KLHL29: variants seen among roughly 807,000 people sequenced by gnomAD.
The protein encoded by KLHL29 is kelch-like protein 29.
KLHL29 carries 21 observed loss-of-function variants against 80.4 expected under a neutral mutation model. The ratio of observed to expected loss-of-function variants is 0.26; its 90% confidence interval spans 0.19 to 0.38. KLHL29 has a LOEUF of 0.38. Ranked by LOEUF, KLHL29 falls within the 10% of genes least tolerant of loss-of-function variation. The pLI is 1.00. For synonymous variants in KLHL29, 511 were observed against 526.8 expected, an observed-to-expected ratio of 0.97 and a Z score of 0.41; for missense variants, 867 against 1,223.9, an observed-to-expected ratio of 0.71 and a Z score of 4.35.
intron 5 of KLHL29, among the ~76,000 whole-genome samples, chr2:23,654,173 T>A (rs1488616822): frequency 6.7e-6 from 1 of 149,282 alleles, no homozygotes; most frequent in Non-Finnish European, 1.5e-5. Context: ...TCTCAAAAAA[T>A]AAATTTAAAA....
At chr2:23,454,833 C>T (rs938512616) in intron 1 of KLHL29, among the ~76,000 whole-genome samples, 11 of 151,904 alleles carry the variant, frequency 7.2e-5, no homozygotes, top group Non-Finnish European at 1.3e-4. Context: ...TCCTCGGTGC[C>T]TCCTGCCCAC....
rs1358081734 is a variant in KLHL29 at position 23,457,291 on chromosome 2, T to C, written c.-153-18269T>C. Among the ~76,000 whole-genome samples the C allele has an allele frequency of 6.6e-6, 1 of 152,232 alleles. No homozygotes were observed. The highest frequency in any genetic ancestry group is 6.5e-5 in the Admixed American group (1 of 15,284). ...TCTGAGCCCAGAGGGGCCAGGTCTT[T>C]GGAGTCTGGAATGACTAAGGCAGGC... On this transcript the variant is annotated intron_variant, in intron 1 of 13. Transcript: ENST00000486442. This position sits in a 1 kb window ranked among gnomAD's most constrained non-coding sequence, Gnocchi z 4.3.
rs941990804 is a variant in KLHL29 at position 23,696,039 on chromosome 2, G to A, written c.1830G>A (p.Pro610=). The A allele has an allele frequency of 2.6e-5, 40 of 1,551,752 alleles. No individual in the cohort carries two copies. Among genetic ancestry groups the A allele is most frequent in the East Asian group, 1.2e-4 (5 of 40,922 alleles). ...RSLVAVTCWN[P]QNNKWYPLAS... ...TGGTGGCCGTCACCTGCTGGAACCC[G>A]CAGAACAACAAGTGGTACCCCTTGG... Residue 610 remains proline (P), a synonymous_variant, in exon 10 of 14, where the codon CCG becomes CCA. Transcript: ENST00000486442. This position sits in a 1 kb window ranked among gnomAD's most constrained non-coding sequence, Gnocchi z 5.5.
At chr2:23,528,163 G>GAA (rs1298363787) in intron 2 of KLHL29, among the ~76,000 whole-genome samples, 3 of 152,132 alleles carry the variant, frequency 2.0e-5, no homozygotes, top group Non-Finnish European at 4.4e-5. Flanking sequence ...AATTTAAAAG[G>GAA]AAACATTTGT....
chr2:23,387,516 ATT>A (rs1245404220), intron 1 of KLHL29, among the ~76,000 whole-genome samples: 3 of 51,622 alleles, frequency 5.8e-5, no homozygotes, highest in Admixed American at 2.6e-4. Flanking sequence ...TATTATTATT[ATT>A]ATTATTATTA....
At chr2:23,640,812 C>T (rs369921233) in intron 4 of KLHL29, among the ~76,000 whole-genome samples, 4 of 152,184 alleles carry the variant, frequency 2.6e-5, no homozygotes, top group African/African-American at 7.2e-5. Flanking sequence ...TGGGAAGGGG[C>T]GATGCAGGCC....
chr2:23,689,399 CCT>C (rs990616193), intron 6 of KLHL29: 1 of 152,388 alleles, frequency 6.6e-6, no homozygotes, highest in Non-Finnish European at 1.5e-5. Flanking sequence ...AGGCAGCACC[CCT>C]CAGGGCAGCC....
intron 3 of KLHL29, among the ~76,000 whole-genome samples, chr2:23,569,716 C>T (rs1475985671): frequency 6.6e-6 from 1 of 152,070 alleles, no homozygotes; most frequent in African/African-American, 2.4e-5. Flanking sequence ...GTCTGTAATG[C>T]TAAAAATAAC....
At chr2:23,414,902 A>C (rs183005733) in intron 1 of KLHL29, among the ~76,000 whole-genome samples, 1 of 152,254 alleles carries the variant, frequency 6.6e-6, no homozygotes, top group African/African-American at 2.4e-5. Context: ...ACAGAAACCA[A>C]TCCTGGGTAA....
chr2:23,509,523 G>T lies in KLHL29; in HGVS notation c.-46+33856G>T, dbSNP rs9679511. ...TCTTTAAGGTCATTACAGTCAATAAGGGGGAGAAGAAATATCTCTTTAGGA... is the reference window on the plus strand; with the variant it reads ...TCTTTAAGGTCATTACAGTCAATAATGGGGAGAAGAAATATCTCTTTAGGA... On this transcript the variant is annotated intron_variant, in intron 2 of 13. Transcript: ENST00000486442. Among the ~76,000 whole-genome samples the T allele has an allele frequency of 9.9e-3, 1,509 of 152,152 alleles. 24 individuals are homozygous for T. Among genetic ancestry groups the T allele is most frequent in the African/African-American group, 0.035 (1,438 of 41,462 alleles).
At chr2:23,415,769 G>A (rs4665592) in intron 1 of KLHL29, among the ~76,000 whole-genome samples, 14,906 of 151,936 alleles carry the variant, frequency 0.098, 1,424 homozygotes, top group East Asian at 0.29. Context: ...CACGATCACA[G>A]CTCACTGCAG....
At chr2:23,671,604 G>A (rs140342891) in intron 5 of KLHL29, among the ~76,000 whole-genome samples, 1 of 152,332 alleles carries the variant, frequency 6.6e-6, no homozygotes, top group East Asian at 1.9e-4. Context: ...TGGGTCTGCA[G>A]CTTTGGAAGC....
At chr2:23,411,955 C>G (rs1226664372) in intron 1 of KLHL29, among the ~76,000 whole-genome samples, 1 of 152,162 alleles carries the variant, frequency 6.6e-6, no homozygotes, top group Non-Finnish European at 1.5e-5. Flanking sequence ...TTGGGCATGT[C>G]TGACTTCTAC....
At chr2:23,691,560 T>C (rs1225762922) in intron 6 of KLHL29, 114 bp from the exon 7 acceptor site, 4 of 805,194 alleles carry the variant, frequency 5.0e-6, no homozygotes, top group African/African-American at 1.7e-5. Context: ...GCCGTGTCCT[T>C]TGAGCCCTAA....
At chr2:23,525,736 CCCA>C (rs1305279496) in intron 2 of KLHL29, among the ~76,000 whole-genome samples, 3,978 of 26,902 alleles carry the variant, frequency 0.15, 274 homozygotes, top group African/African-American at 0.37. Flanking sequence ...GCCCCCCCCC[CCCA>C]CCCGAGGCGA....
At position 23,597,804 on chromosome 2, in the gene KLHL29, G is replaced by A. The variant is rs374360611; in HGVS notation, c.285+35323G>A. Among the ~76,000 whole-genome samples the A allele has an allele frequency of 1.8e-4, 28 of 152,074 alleles. 2 individuals carry two copies. The highest frequency in any genetic ancestry group is 1.6e-3 in the Admixed American group (25 of 15,252). ...GCTCTCAGTCTAGGGAAGGAGATGG[G>A]GAGCTCTTGTAGGTTCTTCTGCAGA... is the stretch of plus-strand genomic sequence containing the variant. On this transcript the variant is annotated intron_variant, in intron 3 of 13. Coordinates refer to ENST00000486442, the MANE Select transcript of KLHL29 (RefSeq NM_052920.2).
chr2:23,560,252 T>C (rs1012781767), intron 2 of KLHL29, among the ~76,000 whole-genome samples: 11 of 147,176 alleles, frequency 7.5e-5, no homozygotes, highest in Admixed American at 7.5e-4. Flanking sequence ...AACCATGTAA[T>C]ATTGGATAGG....
At chr2:23,614,567 C>T (rs1439015994) in intron 3 of KLHL29, among the ~76,000 whole-genome samples, 2 of 152,138 alleles carry the variant, frequency 1.3e-5, no homozygotes, top group Non-Finnish European at 2.9e-5. Flanking sequence ...AACATGACAA[C>T]GGCTTAGAGA....
rs1339869490 is a variant in KLHL29, at chr2:23,695,316, G to C, written c.1543-307G>C. On this transcript the variant is annotated intron_variant, in intron 8 of 13. Transcript: ENST00000486442. This position sits in a 1 kb window ranked among gnomAD's most constrained non-coding sequence, Gnocchi z 7.6. ...CCCAGTGGCCTGATCTGCAGCAGGG[G>C]TCCACAGCCCCAGGTGGAGTGAGAG... Among the ~76,000 whole-genome samples the C allele has an allele frequency of 5.3e-5, 8 of 152,138 alleles. No homozygotes were observed. The highest frequency in any genetic ancestry group is 1.7e-4 in the African/African-American group (7 of 41,428).
Sources: gnomAD v4.1 joint callset for allele counts (sites outside exome capture counted in the v4.1 genomes callset) on GRCh38, gnomAD v4.1.1 for gene constraint, Gnocchi (gnomAD v3.1) non-coding constraint, MANE v1.5 for transcripts, NCBI Gene and HGNC (gene_info 2026-07-23, HGNC 2026-07-21) for gene names.